Variants in NCKIPSD observed in about 807,000 individuals in gnomAD.
NCKIPSD encodes NCK interacting protein with SH3 domain.
In NCKIPSD, 48 loss-of-function variants were observed where a neutral mutation model predicts 73.4. The observed-to-expected ratio is 0.65, with a 90% CI of 0.52 to 0.83. The LOEUF (loss-of-function observed/expected upper bound fraction) is 0.83, where lower values mean the gene tolerates loss of function less well. Ranked by LOEUF, NCKIPSD falls within the 40% of genes least tolerant of loss-of-function variation. The pLI is 0.00. For synonymous variants in NCKIPSD, 422 were observed against 403.6 expected (o/e 1.05, Z -0.54); for missense variants, 884 against 970.2 (o/e 0.91, Z 1.18).
At chr3:48,675,509 CATATATATATATATATATG>C (rs1194227636) in intron 12 of NCKIPSD, among the ~76,000 whole-genome samples, 1 of 110,438 alleles carries the variant, frequency 9.1e-6, no homozygotes, top group East Asian at 2.2e-4. Context: ...ATATATATAT[CATATATATATATATATATG>C]ATATATATAT....
rs1043121098 is a variant in NCKIPSD at position 48,674,066 on chromosome 3, A to G, written c.*478T>C. 3.7e-6 allele frequency: 4 copies of G among 1,077,808 alleles called. No individual in the cohort carries two copies. The highest frequency in any genetic ancestry group is 4.5e-6 in the Non-Finnish European group (4 of 886,102). The allele number at this position is 1,077,808 out of a possible 1,614,324, so 66.8% of individuals were successfully genotyped here. On this transcript the variant is annotated 3_prime_UTR_variant, in exon 13 of 13. Coordinates refer to ENST00000294129, the MANE Select transcript of NCKIPSD (RefSeq NM_016453.4). The stretch of plus-strand genomic sequence containing the variant: ...GCCTCTGGGGGTAGGAGTGAAGGGC[A>G]GCGACCCCCATGTGCGGGTGGAGGG...
chr3:48,680,290 C>T, intron 5 of NCKIPSD, 61 bp from the exon 6 acceptor site: 1 of 1,488,946 alleles, frequency 6.7e-7, no homozygotes, highest in Non-Finnish European at 9.0e-7. Context: ...CTCCAGGGAG[C>T]CTCCAAGGCC....
At position 48,682,915 on chromosome 3, in the gene NCKIPSD, C is replaced by A. The variant is rs373462946; in HGVS notation, c.269G>T (p.Arg90Leu). 3.9e-6 allele frequency: 6 copies of A among 1,551,050 alleles called. No individual in the cohort carries two copies. The African/African-American group carries it at 8.2e-5, about 21-fold the overall frequency. The change falls in exon 2 of 13, where the codon CGT (arginine) becomes CTT (leucine). Residue 90 changes from arginine (R) to leucine (L), a missense_variant. Arg to Leu is a moderately radical substitution (Grantham distance 102). Coordinates refer to ENST00000294129, the MANE Select transcript of NCKIPSD (RefSeq NM_016453.4). ...CCTCAACACTCACTGGAGGACTCCA[C>A]GCTGTTCCAGGCTGTACTTGCCACC... ...RDGGKYSLEQ[R>L]GVLQKLIHHR...
At position 48,678,680 on chromosome 3, in the gene NCKIPSD, A is replaced by G; in HGVS notation, c.1849T>C (p.Phe617Leu). 1 of 1,614,122 alleles carries G rather than the reference A, an allele frequency of 6.2e-7. No homozygotes were observed. Among genetic ancestry groups the G allele is most frequent in the East Asian group, 2.2e-5 (1 of 44,882 alleles). ...EPQPPHSVLK[F>L]LQDVFGSPAT... Reference sequence around the variant, plus strand: ...GGGCTGCCAAACACGTCCTGCAGGAACTTGAGGACAGAGTGTGGTGGCTGT... The same window carrying G: ...GGGCTGCCAAACACGTCCTGCAGGAGCTTGAGGACAGAGTGTGGTGGCTGT... The change falls in exon 12 of 13, where the codon TTC (phenylalanine) becomes CTC (leucine). Residue 617 changes from phenylalanine (F) to leucine (L), a missense_variant. Transcript: ENST00000294129.
intron 1 of NCKIPSD, 69 bp downstream of exon 1, chr3:48,685,568 G>T: frequency 6.9e-7 from 1 of 1,448,556 alleles, no homozygotes; most frequent in Non-Finnish European, 9.0e-7. Flanking sequence ...TCCCTGGGTC[G>T]GTTCCGCGGG....
chr3:48,682,472 G>A lies in NCKIPSD; in HGVS notation c.362C>T (p.Thr121Ile), dbSNP rs1248519848. The change falls in exon 3 of 13, where the codon ACC (threonine) becomes ATC (isoleucine). Residue 121 changes from threonine (T) to isoleucine (I), a missense_variant. Thr to Ile is a moderately conservative substitution (Grantham distance 89). Transcript: ENST00000294129. The stretch of plus-strand genomic sequence containing the variant: ...AGCAGCATCCAAGTGGTGGTCACTG[G>A]TTGATGAGGTCATAACTGCAACACT... ...ASSVAVMTSS[T>I]SDHHLDAAAA... 6.2e-7 allele frequency: 1 copy of A among 1,614,186 alleles called. No individual in the cohort carries two copies. Among genetic ancestry groups the A allele is most frequent in the East Asian group, 2.2e-5 (1 of 44,888 alleles).
At chr3:48,680,262 A>T (rs779534277) in intron 5 of NCKIPSD, 33 bp from the exon 6 acceptor site, 1 of 1,561,648 alleles carries the variant, frequency 6.4e-7, no homozygotes, top group South Asian at 1.2e-5. Flanking sequence ...GACTCAGCAC[A>T]CTCCCTGCCC....
rs1043866652 is a variant in NCKIPSD, at chr3:48,685,897, C to A, written c.-90G>T. The A allele has an allele frequency of 3.2e-6, 4 of 1,248,868 alleles. No individual in the cohort carries two copies. In the African/African-American group the frequency reaches 6.4e-5, roughly 20 times the overall value. 77.4% of individuals were successfully genotyped at this position (1,248,868 alleles called of 1,614,324 possible). ...AGCGCCGAGCCGCGCCGCGGTTGTC[C>A]CGCCCCGTGACACACTACGCAGGCG... On this transcript the variant is annotated 5_prime_UTR_variant, in exon 1 of 13. Transcript: ENST00000294129.
Position 48,678,879 on chromosome 3 carries a change from C to G in NCKIPSD, c.1790G>C (p.Gly597Ala), listed in dbSNP as rs755027188. 20 of 1,613,778 alleles carry G rather than the reference C, an allele frequency of 1.2e-5. No individual in the cohort carries two copies. Among genetic ancestry groups the G allele is most frequent in the Middle Eastern group, 1.6e-4 (1 of 6,084 alleles). The change falls in exon 11 of 13, where the codon GGG becomes GCG. Residue 597 changes from glycine (G) to alanine (A), a missense_variant and splice_region_variant. By Grantham distance (60) the Gly-to-Ala change is moderately conservative. Coordinates refer to ENST00000294129, the MANE Select transcript of NCKIPSD (RefSeq NM_016453.4). Reference sequence around the variant, plus strand: ...CGCGCAGATTCCCGGGCCCTCACCCCCTCTGTTCAGGAGCAACAACAGCTT... The same window carrying G: ...CGCGCAGATTCCCGGGCCCTCACCCGCTCTGTTCAGGAGCAACAACAGCTT... ...SEKLLLLLNR[G>A]DDPVRIFKHE...
At position 48,674,465 on chromosome 3, in the gene NCKIPSD, T is replaced by C; in HGVS notation, c.*79A>G. On this transcript the variant is annotated 3_prime_UTR_variant, in exon 13 of 13. Coordinates refer to ENST00000294129, the MANE Select transcript of NCKIPSD (RefSeq NM_016453.4). ...CCACCTTATCCCCTCCCACTGTCAG[T>C]GCAAAACATTCTTAGGGCCAAGCCC... 1 of 1,515,898 alleles carries C rather than the reference T, an allele frequency of 6.6e-7. No individual in the cohort carries two copies. Among genetic ancestry groups the C allele is most frequent in the South Asian group, 1.3e-5 (1 of 78,984 alleles). 93.9% of individuals were successfully genotyped at this position (1,515,898 alleles called of 1,614,324 possible). A position where few individuals can be genotyped will look rare whatever the true frequency, so the allele number is the denominator to read the frequency against.
At chr3:48,681,199 A>T (rs931419389) in intron 5 of NCKIPSD, 88 bp downstream of exon 5, 1 of 1,482,322 alleles carries the variant, frequency 6.7e-7, no homozygotes, top group Non-Finnish European at 8.9e-7. Context: ...GAGCTTGAGA[A>T]ATACCTGTAA....
chr3:48,678,100 A>G (rs2077282772), intron 12 of NCKIPSD, among the ~76,000 whole-genome samples: 1 of 151,980 alleles, frequency 6.6e-6, no homozygotes, highest in Non-Finnish European at 1.5e-5. Flanking sequence ...TGCCAGATCC[A>G]CTTACTAAAC....
At chr3:48,675,668 A>G (rs1044437852) in intron 12 of NCKIPSD, among the ~76,000 whole-genome samples, 21 of 151,176 alleles carry the variant, frequency 1.4e-4, no homozygotes, top group African/African-American at 4.9e-4. Context: ...CAGCCTCCCA[A>G]ATAGCTGGGA....
chr3:48,683,015 G>C lies in NCKIPSD; in HGVS notation c.172-3C>G. On this transcript the variant is annotated splice_polypyrimidine_tract_variant and splice_region_variant and intron_variant, in intron 1 of 12. Coordinates refer to ENST00000294129, the MANE Select transcript of NCKIPSD (RefSeq NM_016453.4). ...TGGAGGACATCCTGCTCCAGGCCCT[G>C]GGGGGGGCAGGGGACAGCAGTTAGA... 6.5e-7 allele frequency: 1 copy of C among 1,546,432 alleles called. No individual in the cohort carries two copies.
chr3:48,679,413 A>T lies in NCKIPSD; in HGVS notation c.1534T>A (p.Phe512Ile). 6.2e-7 allele frequency: 1 copy of T among 1,614,106 alleles called. No individual in the cohort carries two copies. ...CYSALILAMVFSMGEAVPYAH... is the reference protein window; with the variant it reads ...CYSALILAMVISMGEAVPYAH... ...TAGGGCACTGCCTCTCCCATGGAGA[A>T]GACCATGGCCAGGATGAGGGCAGAG... is the stretch of plus-strand genomic sequence containing the variant. The change falls in exon 9 of 13, where the codon TTC (phenylalanine) becomes ATC (isoleucine). Residue 512 changes from phenylalanine to isoleucine, a missense_variant. Phe to Ile is a conservative substitution (Grantham distance 21). Transcript: ENST00000294129.
At chr3:48,682,680 C>T (rs547924250) in intron 2 of NCKIPSD, 128 bp from the exon 3 acceptor site, 11 of 1,199,386 alleles carry the variant, frequency 9.2e-6, no homozygotes, top group Non-Finnish European at 1.3e-5. Context: ...CCATGCTCCA[C>T]CCCAGCCTAC....
chr3:48,680,287 G>A (rs2077329878), intron 5 of NCKIPSD, 58 bp from the exon 6 acceptor site: 1 of 1,501,832 alleles, frequency 6.7e-7, no homozygotes, highest in African/African-American at 1.4e-5. Context: ...CATCTCCAGG[G>A]AGCCTCCAAG....
rs1344427158 is a variant in NCKIPSD, at chr3:48,674,364, C to CTACACTTGGTCTGGTCCCCACA, written c.*179_*180insTGTGGGGACCAGACCAAGTGTA. ...CCCCTGCCCCAGAACAGCTCCCAGA[C>CTACACTTGGTCTGGTCCCCACA]CATGGTCCCCAATCCTACACTTGGC... On this transcript the variant is annotated 3_prime_UTR_variant, in exon 13 of 13. Transcript: ENST00000294129. The CTACACTTGGTCTGGTCCCCACA allele has an allele frequency of 3.9e-5, 56 of 1,438,808 alleles. 1 individual carries two copies. The African/African-American group carries it at 6.4e-4, about 17-fold the overall frequency. 89.1% of individuals were successfully genotyped at this position (1,438,808 alleles called of 1,614,324 possible).
Position 48,685,719 on chromosome 3 carries a change from C to T in NCKIPSD, c.89G>A (p.Ser30Asn), listed in dbSNP as rs1318160733. 1.3e-6 allele frequency: 2 copies of T among 1,532,608 alleles called. No homozygotes were observed. Among genetic ancestry groups the T allele is most frequent in the Non-Finnish European group, 8.7e-7 (1 of 1,146,214 alleles). 94.9% of individuals were successfully genotyped at this position (1,532,608 alleles called of 1,614,324 possible). A position where few individuals can be genotyped will look rare whatever the true frequency, so the allele number is the denominator to read the frequency against. Reference protein sequence around the residue: ...AGETFLVLERSSAHWWLAARA... With the variant: ...AGETFLVLERNSAHWWLAARA... ...CGCGGCCAGCCACCAGTGCGCGCTG[C>T]TTCGCTCTAGCACCAGGAAGGTCTC... The change falls in exon 1 of 13, where the codon AGC (serine) becomes AAC (asparagine). Residue 30 changes from serine (S) to asparagine (N), a missense_variant. By Grantham distance (46) the Ser-to-Asn change is conservative. Coordinates refer to ENST00000294129, the MANE Select transcript of NCKIPSD (RefSeq NM_016453.4).
Sources: gnomAD v4.1 joint callset for allele counts (sites outside exome capture counted in the v4.1 genomes callset) on GRCh38, gnomAD v4.1.1 for gene constraint, MANE v1.5 for transcripts, NCBI Gene and HGNC (gene_info 2026-07-23, HGNC 2026-07-21) for gene names.